Variants in FNDC1 observed in about 807,000 individuals in gnomAD.
FNDC1 encodes the protein fibronectin type III domain containing 1, also known as fibronectin type III domain-containing protein 1.
Under a neutral mutation model 168.0 loss-of-function variants are expected in FNDC1, and 96 were observed. The observed-to-expected ratio is 0.57, with a 90% CI of 0.48 to 0.68. The LOEUF (loss-of-function observed/expected upper bound fraction) is 0.68, where lower values mean the gene tolerates loss of function less well. Ranked by LOEUF, FNDC1 falls within the 30% of genes least tolerant of loss-of-function variation. FNDC1 has a pLI of 0.00. For synonymous variants in FNDC1, 1,099 were observed against 1,025.9 expected, an observed-to-expected ratio of 1.07 and a Z score of -1.36; for missense variants, 2,587 against 2,482.1, an observed-to-expected ratio of 1.04 and a Z score of -0.90.
At chr6:159,206,532 C>T (rs1034994494) in intron 4 of FNDC1, among the ~76,000 whole-genome samples, 4 of 152,156 alleles carry the variant, frequency 2.6e-5, no homozygotes, top group African/African-American at 9.7e-5. Flanking sequence ...TGCCCCATAC[C>T]TGTGCTTGGT....
chr6:159,251,217 G>A (rs138927452), intron 16 of FNDC1, 85 bp from the exon 17 acceptor site: 1 of 1,013,420 alleles, frequency 9.9e-7, no homozygotes, highest in Admixed American at 2.1e-5. Context: ...CGAATGGTGG[G>A]TCTGACTCTG....
At chr6:159,172,434 C>A (rs1238775263) in intron 1 of FNDC1, among the ~76,000 whole-genome samples, 1 of 152,194 alleles carries the variant, frequency 6.6e-6, no homozygotes, top group Admixed American at 6.5e-5. Context: ...AACATTTCAG[C>A]TTTCAAGTGA....
Position 159,232,903 on chromosome 6 carries a change from C to T in FNDC1, c.2391C>T (p.Gly797=), listed in dbSNP as rs201525669. Residue 797 remains glycine (G), a synonymous_variant, in exon 11 of 23, where the codon GGC becomes GGT. Coordinates refer to ENST00000297267, the MANE Select transcript of FNDC1 (RefSeq NM_032532.3). The surrounding 1 kb of genome is among the most constrained non-coding windows in gnomAD (Gnocchi z 4.9). ...ESHGDGDRED[G]GRQAEATAQT... is the part of the protein sequence containing the mutation. ...ACGGTGACGGCGATAGGGAAGACGGCGGAAGGCAGGCGGAGGCCACGGCCC... is the reference window on the plus strand; with the variant it reads ...ACGGTGACGGCGATAGGGAAGACGGTGGAAGGCAGGCGGAGGCCACGGCCC... 1,547 of 1,612,390 alleles carry T rather than the reference C, an allele frequency of 9.6e-4. 1 individual carries two copies. Among genetic ancestry groups the T allele is most frequent in the Non-Finnish European group, 1.2e-3 (1,419 of 1,179,750 alleles).
rs895200139 is a variant in FNDC1 at position 159,179,518 on chromosome 6, T to A, written c.109+9813T>A. 2.0e-5 allele frequency among the ~76,000 whole-genome samples: 3 copies of A among 152,196 alleles called. No homozygotes were observed. The East Asian group carries it at 5.8e-4, about 29-fold the overall frequency. ...GATGCCTCATCCTCTTCAGGTTCTT[T>A]GTGCAACATCTTCTCAAGAGGCCTT... On this transcript the variant is annotated intron_variant, in intron 1 of 22. Coordinates refer to ENST00000297267, the MANE Select transcript of FNDC1 (RefSeq NM_032532.3).
chr6:159,181,342 A>G (rs1265846666), intron 1 of FNDC1, among the ~76,000 whole-genome samples: 1 of 152,200 alleles, frequency 6.6e-6, no homozygotes, highest in Non-Finnish European at 1.5e-5. Flanking sequence ...TGAACTGTCA[A>G]CCTGGTGTTC....
In FNDC1 at chr6:159,232,080, C is replaced by G. The variant is rs544574766; in HGVS notation, c.1568C>G (p.Pro523Arg). The change falls in exon 11 of 23, where the codon CCC (proline) becomes CGC (arginine). Residue 523 changes from proline (P) to arginine (R), a missense_variant. Transcript: ENST00000297267. The surrounding 1 kb of genome is among the most constrained non-coding windows in gnomAD (Gnocchi z 4.9). ...GCTAATGGTGGGGCGCCCCGAAAAC[C>G]CCAGCTTCGCGCCAAGAAGGCAGAG... ...ILANGGAPRKPQLRAKKAEEL... is the reference protein window; with the variant it reads ...ILANGGAPRKRQLRAKKAEEL... 2.5e-6 allele frequency: 4 copies of G among 1,613,680 alleles called. No individual in the cohort carries two copies. The highest frequency in any genetic ancestry group is 3.4e-6 in the Non-Finnish European group (4 of 1,179,812).
At chr6:159,248,542 G>T (rs891620355) in intron 15 of FNDC1, among the ~76,000 whole-genome samples, 14 of 152,116 alleles carry the variant, frequency 9.2e-5, no homozygotes, top group Non-Finnish European at 1.9e-4. Flanking sequence ...CTGAACTTGT[G>T]ATCCGCCTGC....
At chr6:159,255,066 G>T (rs1777344474) in intron 17 of FNDC1, among the ~76,000 whole-genome samples, 1 of 152,218 alleles carries the variant, frequency 6.6e-6, no homozygotes, top group Admixed American at 6.5e-5. Context: ...TCGGCATTCT[G>T]CACAGGAGAG....
rs763976620 is a variant in FNDC1, at chr6:159,225,692, A to G, written c.1042A>G (p.Thr348Ala). ...GGGTGAAAGAGATGGCAAATGGAGTACGTCAGTCTTCCAAAGAACACCAGA... is the reference window on the plus strand; with the variant it reads ...GGGTGAAAGAGATGGCAAATGGAGTGCGTCAGTCTTCCAAAGAACACCAGA... ...SQGERDGKWSTSVFQRTPESA... is the reference protein window; with the variant it reads ...SQGERDGKWSASVFQRTPESA... Residue 348 changes from threonine to alanine, a missense_variant, in exon 8 of 23, where the codon ACG becomes GCG. By Grantham distance (58) the Thr-to-Ala change is moderately conservative (BLOSUM62 0). Coordinates refer to ENST00000297267, the MANE Select transcript of FNDC1 (RefSeq NM_032532.3). The G allele has an allele frequency of 2.5e-6, 4 of 1,613,008 alleles. No homozygotes were observed. In the South Asian group the frequency reaches 4.4e-5, roughly 18 times the overall value.
intron 1 of FNDC1, among the ~76,000 whole-genome samples, chr6:159,179,132 G>A (rs572940388): frequency 3.7e-4 from 57 of 152,340 alleles, no homozygotes; most frequent in Middle Eastern, 3.4e-3. Flanking sequence ...TGCGCTGGCC[G>A]TTCCTTTTGC....
At position 159,231,953 on chromosome 6, in the gene FNDC1, T is replaced by C. The variant is rs1783091084; in HGVS notation, c.1441T>C (p.Ser481Pro). Residue 481 changes from serine to proline, a missense_variant, in exon 11 of 23, where the codon TCT (serine) becomes CCT (proline). Transcript: ENST00000297267. ...CGAAAAACCTGAGCCTTCCTCACCT[T>C]CTCCCAGAGCTCCAGCTTCCTCCCA... is the stretch of plus-strand genomic sequence containing the variant. Reference protein sequence around the residue: ...KPEKPEPSSPSPRAPASSQHP... With the variant: ...KPEKPEPSSPPPRAPASSQHP... The C allele has an allele frequency of 1.2e-6, 2 of 1,613,738 alleles. No individual in the cohort carries two copies. The highest frequency in any genetic ancestry group is 1.7e-6 in the Non-Finnish European group (2 of 1,179,870).
rs1777262226 is a variant in FNDC1, at chr6:159,251,441, T to TCC, written c.4977_4978dup (p.Arg1660ProfsTer54). On this transcript the variant is annotated frameshift_variant, in exon 17 of 23. Coordinates refer to ENST00000297267, the MANE Select transcript of FNDC1 (RefSeq NM_032532.3). LOFTEE classifies it high-confidence loss of function. The stretch of plus-strand genomic sequence containing the variant: ...AGAGTGACCTGCCTCCCCAGCATGC[T>TCC]CCCCGCAACATCACCGTGGTGGCCG... The TCC allele has an allele frequency of 6.2e-7, 1 of 1,613,740 alleles. No individual in the cohort carries two copies. The highest frequency in any genetic ancestry group is 1.3e-5 in the African/African-American group (1 of 74,882).
intron 5 of FNDC1, among the ~76,000 whole-genome samples, chr6:159,215,728 T>G (rs980401498): frequency 6.6e-6 from 1 of 152,152 alleles, no homozygotes; most frequent in Non-Finnish European, 1.5e-5. Flanking sequence ...ACTGAAGAAC[T>G]TGGGGTCCGA....
chr6:159,219,441 G>A (rs1279272477), intron 5 of FNDC1, among the ~76,000 whole-genome samples: 1 of 152,098 alleles, frequency 6.6e-6, no homozygotes, highest in Non-Finnish European at 1.5e-5. Flanking sequence ...AGCTTGCTGG[G>A]TGGCTGTGGC....
chr6:159,214,237 A>T (rs1013726775), intron 4 of FNDC1, among the ~76,000 whole-genome samples: 1 of 152,260 alleles, frequency 6.6e-6, no homozygotes, highest in Non-Finnish European at 1.5e-5. Context: ...TTGATATACA[A>T]GCAAAATTTT....
At chr6:159,246,807 G>C in intron 14 of FNDC1, 94 bp from the exon 15 acceptor site, 1 of 856,904 alleles carries the variant, frequency 1.2e-6, no homozygotes, top group South Asian at 1.4e-5. Context: ...TGACCTGCTT[G>C]AGGTGAATGA....
At chr6:159,244,959 A>G (rs914708592) in intron 14 of FNDC1, among the ~76,000 whole-genome samples, 1 of 152,204 alleles carries the variant, frequency 6.6e-6, no homozygotes, top group African/African-American at 2.4e-5. Context: ...CACAGTTCTA[A>G]ATGGCTGGGG....
intron 16 of FNDC1, among the ~76,000 whole-genome samples, chr6:159,251,080 G>A (rs1185488367): frequency 6.6e-6 from 1 of 152,120 alleles, no homozygotes; most frequent in Non-Finnish European, 1.5e-5. Context: ...ATGTCCATGG[G>A]GCAATAGGAT....
intron 4 of FNDC1, among the ~76,000 whole-genome samples, chr6:159,201,024 G>T (rs566360428): frequency 4.6e-5 from 7 of 152,176 alleles, no homozygotes; most frequent in Non-Finnish European, 1.0e-4. Flanking sequence ...TATGTTAGAC[G>T]ACCTACCTTC....
Sources: allele counts gnomAD v4.1 joint callset (sites outside exome capture counted in the v4.1 genomes callset), GRCh38; gene constraint gnomAD v4.1.1; non-coding constraint Gnocchi (gnomAD v3.1); transcripts MANE v1.5; gene names NCBI Gene and HGNC (gene_info 2026-07-23, HGNC 2026-07-21).